The following NLGN1 variants were observed in gnomAD, a reference collection of about 807,000 sequenced individuals.
NLGN1 encodes the protein neuroligin 1.
A neutral mutation model predicts 65.5 loss-of-function variants in NLGN1; 12 were observed. That is an observed-to-expected ratio of 0.18 (90% CI 0.12 to 0.30). The LOEUF (loss-of-function observed/expected upper bound fraction) is 0.30, where lower values mean the gene tolerates loss of function less well. NLGN1 is among the 10% of genes least tolerant of loss of function. The probability of loss-of-function intolerance (pLI) is 1.00; values close to 1 mark genes in which losing one functional copy is unlikely to be tolerated. For missense variants in NLGN1, 750 were observed against 1,007.1 expected (o/e 0.74, Z 3.46); for synonymous variants, 350 against 359.5 (o/e 0.97, Z 0.30).
intron 2 of NLGN1, among the ~76,000 whole-genome samples, chr3:173,469,891 C>G (rs1243998779): frequency 1.3e-5 from 2 of 151,690 alleles, no homozygotes; most frequent in Non-Finnish European, 2.9e-5. Flanking sequence ...TATGCTTACT[C>G]CAGTTCATCT....
chr3:173,992,868 C>G (rs1174309842), intron 4 of NLGN1, among the ~76,000 whole-genome samples: 1 of 152,084 alleles, frequency 6.6e-6, no homozygotes, highest in African/African-American at 2.4e-5. Flanking sequence ...TTAAAAGTAA[C>G]CTGGAAAAGA....
intron 3 of NLGN1, among the ~76,000 whole-genome samples, chr3:173,703,375 T>C (rs1282123188): frequency 6.6e-6 from 1 of 152,178 alleles, no homozygotes; most frequent in Non-Finnish European, 1.5e-5. Context: ...TAAATAATTT[T>C]TAAAAATTGG....
At chr3:173,771,533 T>C (rs770363079) in intron 3 of NLGN1, among the ~76,000 whole-genome samples, 6 of 138,294 alleles carry the variant, frequency 4.3e-5, no homozygotes, top group Non-Finnish European at 8.1e-5. Context: ...TAAATACTTC[T>C]TGAGTGAACA....
chr3:173,414,793 G>A (rs1406816677), intron 1 of NLGN1, among the ~76,000 whole-genome samples: 3 of 152,174 alleles, frequency 2.0e-5, no homozygotes, highest in Admixed American at 6.5e-5. Context: ...GCAGGACCAC[G>A]AAAGGTGAAG....
intron 4 of NLGN1, among the ~76,000 whole-genome samples, chr3:174,002,051 A>AT (rs1202952478): frequency 6.9e-6 from 1 of 145,340 alleles, no homozygotes; most frequent in African/African-American, 2.6e-5. Flanking sequence ...ACCTAGACAG[A>AT]TTTAAAAAAA....
chr3:174,012,517 A>G (rs1311153944), intron 4 of NLGN1, among the ~76,000 whole-genome samples: 1 of 152,208 alleles, frequency 6.6e-6, no homozygotes, highest in Non-Finnish European at 1.5e-5. Context: ...ATTCTTGACT[A>G]ACACTATCTG....
chr3:173,819,512 C>G (rs916686569), intron 4 of NLGN1, among the ~76,000 whole-genome samples: 13 of 152,162 alleles, frequency 8.5e-5, no homozygotes, highest in Admixed American at 6.5e-5. Flanking sequence ...TGCTAGACTC[C>G]TCACTGCCTA....
intron 4 of NLGN1, among the ~76,000 whole-genome samples, chr3:173,943,726 A>G (rs554077616): frequency 1.3e-5 from 2 of 152,308 alleles, no homozygotes; most frequent in East Asian, 3.9e-4. Context: ...TATTTTGCAC[A>G]TCTCTTAGCA....
In NLGN1 at chr3:173,918,332, G is replaced by A. The variant is rs146134580; in HGVS notation, c.646+110500G>A. Among the ~76,000 whole-genome samples the A allele has an allele frequency of 5.8e-3, 886 of 152,042 alleles. 5 individuals are homozygous for A. Among genetic ancestry groups the A allele is most frequent in the African/African-American group, 0.021 (861 of 41,478 alleles). ...ACATCTACAAAAGGTATCAAACACC[G>A]GAATTTTAAAATGCATAGAATGGGC... On this transcript the variant is annotated intron_variant, in intron 4 of 6. Coordinates refer to ENST00000457714, the Ensembl canonical transcript of NLGN1.
intron 2 of NLGN1, among the ~76,000 whole-genome samples, chr3:173,477,569 C>T (rs1018870395): frequency 6.6e-6 from 1 of 151,954 alleles, no homozygotes; most frequent in Admixed American, 6.6e-5. Flanking sequence ...ATAATGAAAC[C>T]TTTAGTATTG....
chr3:173,842,872 A>C (rs1441802517), intron 4 of NLGN1, among the ~76,000 whole-genome samples: 1 of 152,212 alleles, frequency 6.6e-6, no homozygotes, highest in African/African-American at 2.4e-5. Context: ...TCCACTAGGC[A>C]GTGCCCTAGG....
At chr3:173,835,370 T>G (rs768350948) in intron 4 of NLGN1, among the ~76,000 whole-genome samples, 7 of 152,262 alleles carry the variant, frequency 4.6e-5, no homozygotes, top group African/African-American at 1.4e-4. Context: ...TACTCTGCAC[T>G]TGATAAGAGG....
intron 4 of NLGN1, among the ~76,000 whole-genome samples, chr3:174,160,596 G>A (rs1424594463): frequency 6.6e-6 from 1 of 151,110 alleles, no homozygotes; most frequent in Non-Finnish European, 1.5e-5. Flanking sequence ...TGACTGCAAA[G>A]CATAAAATTT....
intron 4 of NLGN1, among the ~76,000 whole-genome samples, chr3:173,877,780 A>G (rs559241622): frequency 2.3e-4 from 35 of 152,360 alleles, no homozygotes; most frequent in Admixed American, 5.2e-4. Context: ...GTGTAGCAGT[A>G]TGTACCAGGC....
At chr3:174,237,820 G>C (rs1350589948) in intron 4 of NLGN1, among the ~76,000 whole-genome samples, 1 of 152,174 alleles carries the variant, frequency 6.6e-6, no homozygotes, top group Non-Finnish European at 1.5e-5. Flanking sequence ...GCCTCCCAAA[G>C]TGTTGGGGTT....
intron 4 of NLGN1, among the ~76,000 whole-genome samples, chr3:173,890,090 C>T (rs183527775): frequency 1.3e-5 from 2 of 151,910 alleles, no homozygotes; most frequent in Non-Finnish European, 2.9e-5. Flanking sequence ...TTCTGTTATC[C>T]CATTTAGCTG....
At chr3:173,686,824 G>T (rs969028618) in intron 3 of NLGN1, among the ~76,000 whole-genome samples, 2 of 152,018 alleles carry the variant, frequency 1.3e-5, no homozygotes, top group Admixed American at 6.6e-5. Context: ...GTGGTGGCAG[G>T]CGCCTGTAAT....
At chr3:173,875,129 C>G (rs1053817034) in intron 4 of NLGN1, among the ~76,000 whole-genome samples, 7 of 152,202 alleles carry the variant, frequency 4.6e-5, no homozygotes, top group African/African-American at 1.7e-4. Context: ...CACTTCCTGT[C>G]AGACTTTGCC....
chr3:173,454,837 G>T (rs770530384), intron 2 of NLGN1, among the ~76,000 whole-genome samples: 5 of 152,170 alleles, frequency 3.3e-5, no homozygotes, highest in Non-Finnish European at 2.9e-5. Flanking sequence ...GTGTTCAGTA[G>T]GTAACACTTT....
Sources: gnomAD v4.1 joint callset for allele counts (sites outside exome capture counted in the v4.1 genomes callset) on GRCh38, gnomAD v4.1.1 for gene constraint, MANE v1.5 for transcripts, NCBI Gene and HGNC (gene_info 2026-07-23, HGNC 2026-07-21) for gene names.